Variants in FHDC1 observed in about 807,000 individuals in gnomAD.
FHDC1 encodes the protein FH2 domain containing 1, also known as FH2 domain-containing protein 1.
In FHDC1, 25 loss-of-function variants were observed where a neutral mutation model predicts 52.6. That is an observed-to-expected ratio of 0.48 (90% CI 0.35 to 0.66). The LOEUF (loss-of-function observed/expected upper bound fraction) is 0.66. FHDC1 is among the 30% of genes least tolerant of loss of function. The pLI is 0.01. For synonymous variants in FHDC1, 616 were observed against 581.5 expected, an observed-to-expected ratio of 1.06 and a Z score of -0.85; for missense variants, 1,459 against 1,452.8, an observed-to-expected ratio of 1.00 and a Z score of -0.07.
the FHDC1 span, among the ~76,000 whole-genome samples, chr4:152,913,182 A>G: frequency 1.4e-4 from 21 of 152,336 alleles, no homozygotes; most frequent in Non-Finnish European, 2.9e-4. Context: ...TTTCTTCTAA[A>G]GTTAAGTTTA....
intron 11 of FHDC1, among the ~76,000 whole-genome samples, chr4:152,973,353 A>C (rs1740703235): frequency 6.6e-6 from 1 of 152,252 alleles, no homozygotes; most frequent in Non-Finnish European, 1.5e-5. Flanking sequence ...TCTCAAGCCC[A>C]GAATTGCTTT....
At chr4:152,973,441 C>T (rs1740736911) in intron 11 of FHDC1, among the ~76,000 whole-genome samples, 2 of 152,340 alleles carry the variant, frequency 1.3e-5, no homozygotes, top group Admixed American at 6.5e-5. Context: ...CTCCTCTGGC[C>T]AAGAAGTGAG....
intron 2 of FHDC1, 110 bp downstream of exon 2, chr4:152,943,665 A>C: frequency 2.3e-6 from 3 of 1,279,856 alleles, no homozygotes; most frequent in Non-Finnish European, 3.2e-6. Flanking sequence ...ATGAGATAAT[A>C]CAAGCGAATC....
intron 3 of FHDC1, 151 bp from the exon 4 acceptor site, chr4:152,954,066 G>A (rs976835475): frequency 1.6e-6 from 1 of 621,462 alleles, no homozygotes; most frequent in South Asian, 1.9e-5. Flanking sequence ...GAGGCAGTGG[G>A]GCTGTTATGA....
At chr4:152,913,193 A>G in the FHDC1 span, among the ~76,000 whole-genome samples, 29 of 152,352 alleles carry the variant, frequency 1.9e-4, no homozygotes, top group South Asian at 2.7e-3. Context: ...GTTAAGTTTA[A>G]TGTGTATTAA....
intron 1 of FHDC1, among the ~76,000 whole-genome samples, chr4:152,937,013 A>G (rs1739403513): frequency 1.3e-5 from 2 of 152,184 alleles, no homozygotes; most frequent in Admixed American, 6.5e-5. Context: ...TTCGGATTGC[A>G]AGTTGCGCCC....
intron 2 of FHDC1, among the ~76,000 whole-genome samples, chr4:152,945,113 T>C (rs2149938688): frequency 6.6e-6 from 1 of 152,210 alleles, no homozygotes; most frequent in Admixed American, 6.5e-5. Flanking sequence ...GTGGCATCGT[T>C]TGTGAATTGG....
At chr4:152,927,819 C>A in the FHDC1 span, 1 of 1,433,680 alleles carries the variant, frequency 7.0e-7, no homozygotes, top group African/African-American at 1.4e-5. Flanking sequence ...GTTGGAATTT[C>A]TCAAGAGAAC....
At chr4:152,922,707 G>A in the FHDC1 span, among the ~76,000 whole-genome samples, 19 of 151,926 alleles carry the variant, frequency 1.3e-4, no homozygotes, top group East Asian at 1.7e-3. Flanking sequence ...TTCAATATAC[G>A]CAAATCAATA....
intron 9 of FHDC1, among the ~76,000 whole-genome samples, chr4:152,966,491 G>A (rs1486830916): frequency 2.0e-5 from 3 of 151,678 alleles, no homozygotes; most frequent in South Asian, 2.1e-4. Flanking sequence ...ATAGAGCCTC[G>A]CTGTGTCACC....
At chr4:152,919,188 A>G in the FHDC1 span, among the ~76,000 whole-genome samples, 1 of 152,264 alleles carries the variant, frequency 6.6e-6, no homozygotes, top group South Asian at 2.1e-4. Flanking sequence ...ATGTGAAAAT[A>G]CATTGACTAC....
chr4:152,951,238 A>C (rs986604898), intron 2 of FHDC1, among the ~76,000 whole-genome samples: 2 of 152,224 alleles, frequency 1.3e-5, no homozygotes, highest in Non-Finnish European at 2.9e-5. Flanking sequence ...ATTCTTATGC[A>C]TGGCCTTTTA....
chr4:152,975,154 G>T lies in FHDC1; in HGVS notation c.1863G>T (p.Gln621His), dbSNP rs559250470. Residue 621 changes from glutamine to histidine, a missense_variant, in exon 12 of 12, where the codon CAG becomes CAT. Coordinates refer to ENST00000511601, the MANE Select transcript of FHDC1 (RefSeq NM_001371116.1). ...ACCCACCCTCAGCACAGGCGCACCA[G>T]CTTGCAGCCGCCCAGCCTGAGAACC... ...APNPPSAQAHQLAAAQPENHA... is the reference protein window; with the variant it reads ...APNPPSAQAHHLAAAQPENHA... 11 of 1,613,020 alleles carry T rather than the reference G, an allele frequency of 6.8e-6. No homozygotes were observed. In the African/African-American group the frequency reaches 1.3e-4, roughly 20 times the overall value.
chr4:152,925,177 C>T, the FHDC1 span, among the ~76,000 whole-genome samples: 2 of 151,748 alleles, frequency 1.3e-5, no homozygotes, highest in Non-Finnish European at 2.9e-5. Flanking sequence ...GACTTAAAGT[C>T]TCTATTTTTT....
At chr4:152,974,646 G>A in intron 11 of FHDC1, 29 bp from the exon 12 acceptor site, 1 of 1,502,854 alleles carries the variant, frequency 6.7e-7, no homozygotes, top group Non-Finnish European at 8.9e-7. Context: ...CATGTCTCAT[G>A]CATCTTCGGG....
chr4:152,921,479 T>A, the FHDC1 span, among the ~76,000 whole-genome samples: 2 of 152,168 alleles, frequency 1.3e-5, no homozygotes, highest in East Asian at 3.8e-4. Context: ...TCCCAGTTAA[T>A]CATTTTTATA....
rs2149935904 is a variant in FHDC1, at chr4:152,941,371, G to A, written c.-130-1557G>A. ...ATACATATTTTAAAGCAAATGTAAT[G>A]CCTGTGAAAATAAAGGGAAATTATA... On this transcript the variant is annotated intron_variant, in intron 1 of 11. Coordinates refer to ENST00000511601, the MANE Select transcript of FHDC1 (RefSeq NM_001371116.1). Among the ~76,000 whole-genome samples, 2 of 152,288 alleles carry A rather than the reference G, an allele frequency of 1.3e-5. 1 individual carries two copies.
At chr4:152,957,383 T>A in intron 4 of FHDC1, among the ~76,000 whole-genome samples, 1 of 152,222 alleles carries the variant, frequency 6.6e-6, no homozygotes, top group Non-Finnish European at 1.5e-5. Context: ...AGCAATGTTT[T>A]AAGACACTCC....
At chr4:152,972,177 C>T (rs1383410435) in intron 10 of FHDC1, among the ~76,000 whole-genome samples, 200 bp from the exon 11 acceptor site, 1 of 152,138 alleles carries the variant, frequency 6.6e-6, no homozygotes, top group Non-Finnish European at 1.5e-5. Context: ...CGGGACTTCA[C>T]CTTGCTTTCC....
Sources: allele counts gnomAD v4.1 joint callset (sites outside exome capture counted in the v4.1 genomes callset), GRCh38; gene constraint gnomAD v4.1.1; transcripts MANE v1.5; gene names NCBI Gene and HGNC (gene_info 2026-07-23, HGNC 2026-07-21).